The following HECW2 variants were observed in gnomAD, a reference collection of about 807,000 sequenced individuals.
HECW2 encodes the protein E3 ubiquitin-protein ligase HECW2.
In HECW2, 61 loss-of-function variants were observed where a neutral mutation model predicts 175.2. The ratio of observed to expected loss-of-function variants is 0.35; its 90% CI spans 0.28 to 0.43. The LOEUF (loss-of-function observed/expected upper bound fraction) is 0.43. HECW2 is among the 20% of genes least tolerant of loss of function. HECW2 has a pLI of 1.00. For synonymous variants in HECW2, 671 were observed against 731.0 expected (o/e 0.92, Z 1.32); for missense variants, 1,524 against 2,000.5 (o/e 0.76, Z 4.54).
At chr2:196,556,353 T>C (rs1182949118) in intron 1 of HECW2, among the ~76,000 whole-genome samples, 1 of 152,194 alleles carries the variant, frequency 6.6e-6, no homozygotes, top group Non-Finnish European at 1.5e-5. Flanking sequence ...TACAATATAT[T>C]ATTATTCACT....
intron 2 of HECW2, among the ~76,000 whole-genome samples, chr2:196,402,104 G>A (rs1215471697): frequency 6.7e-6 from 1 of 150,038 alleles, no homozygotes; most frequent in African/African-American, 2.5e-5. Flanking sequence ...GGGAGGCTGA[G>A]GCAGGAGAAT....
At chr2:196,459,280 A>T (rs1264827185) in intron 1 of HECW2, among the ~76,000 whole-genome samples, 1 of 152,220 alleles carries the variant, frequency 6.6e-6, no homozygotes, top group Admixed American at 6.5e-5. Flanking sequence ...TGGGAGATGT[A>T]GACTATGAGA....
chr2:196,303,004 G>A (rs569051369), intron 13 of HECW2, among the ~76,000 whole-genome samples: 2 of 152,332 alleles, frequency 1.3e-5, no homozygotes, highest in East Asian at 3.9e-4. Context: ...ATTTCAAGGG[G>A]AATGTTTCCA....
At chr2:196,306,721 G>T in intron 12 of HECW2, 109 bp from the exon 13 acceptor site, 2 of 1,105,430 alleles carry the variant, frequency 1.8e-6, no homozygotes, top group Non-Finnish European at 2.5e-6. Flanking sequence ...CCTACATCAT[G>T]TGTCATCATT....
At chr2:196,436,546 C>A (rs1314581863) in intron 1 of HECW2, among the ~76,000 whole-genome samples, 3 of 151,962 alleles carry the variant, frequency 2.0e-5, no homozygotes, top group Non-Finnish European at 4.4e-5. Flanking sequence ...TTCAAAAAAG[C>A]CTGCATTCTA....
At chr2:196,215,072 T>C (rs944225580) in intron 28 of HECW2, among the ~76,000 whole-genome samples, 1 of 152,240 alleles carries the variant, frequency 6.6e-6, no homozygotes, top group Non-Finnish European at 1.5e-5. Flanking sequence ...AATGCTACAG[T>C]ATTACTACTA....
In HECW2 at chr2:196,266,733, T is replaced by C. The variant is rs1202150892; in HGVS notation, c.3335+4460A>G. On this transcript the variant is annotated intron_variant, in intron 17 of 28. Coordinates refer to ENST00000644978, the MANE Select transcript of HECW2 (RefSeq NM_001348768.2). ...ACACTAGGGTTTATCTTAAGAAAGA[T>C]AGCTTTTGAAACTTTAACTTTTTAT... Among the ~76,000 whole-genome samples the C allele has an allele frequency of 2.6e-5, 4 of 152,340 alleles. 1 individual carries two copies. Among genetic ancestry groups the C allele is most frequent in the Admixed American group, 2.0e-4 (3 of 15,296 alleles).
chr2:196,586,299 C>T (rs760140385), intron 1 of HECW2, among the ~76,000 whole-genome samples: 7 of 152,170 alleles, frequency 4.6e-5, no homozygotes, highest in Non-Finnish European at 7.3e-5. Context: ...CAGTTCACCA[C>T]GGGCTAAGCA....
chr2:196,589,590 C>T (rs1417893175), intron 1 of HECW2, among the ~76,000 whole-genome samples: 1 of 152,120 alleles, frequency 6.6e-6, no homozygotes, highest in Admixed American at 6.5e-5. Context: ...AAACAAAAGC[C>T]CTCCTATTAT....
At chr2:196,211,405 C>T (rs142725752) in intron 28 of HECW2, among the ~76,000 whole-genome samples, 4 of 152,240 alleles carry the variant, frequency 2.6e-5, no homozygotes, top group Admixed American at 1.3e-4. Context: ...AGCTAACCAC[C>T]GACCGCGAAG....
chr2:196,584,510 T>C (rs566310726), intron 1 of HECW2, among the ~76,000 whole-genome samples: 1 of 152,198 alleles, frequency 6.6e-6, no homozygotes, highest in East Asian at 1.9e-4. Flanking sequence ...TAATTCTAAA[T>C]TGAATCACTT....
At chr2:196,436,626 C>CA (rs1435361596) in intron 1 of HECW2, among the ~76,000 whole-genome samples, 1 of 151,862 alleles carries the variant, frequency 6.6e-6, no homozygotes, top group African/African-American at 2.4e-5. Context: ...AGTGAAAGAA[C>CA]AAAAAGAGCT....
chr2:196,455,210 T>C (rs1696469929), intron 1 of HECW2, among the ~76,000 whole-genome samples: 1 of 152,112 alleles, frequency 6.6e-6, no homozygotes, highest in Non-Finnish European at 1.5e-5. Context: ...ATTTTTGCAT[T>C]TTTAGTTGAG....
intron 1 of HECW2, among the ~76,000 whole-genome samples, chr2:196,587,288 G>T (rs1691016928): frequency 4.6e-5 from 7 of 152,196 alleles, no homozygotes; most frequent in Admixed American, 4.6e-4. Context: ...ATTGGACAAA[G>T]TTTCATAACA....
chr2:196,265,058 A>G (rs1373779040), intron 17 of HECW2, among the ~76,000 whole-genome samples: 1 of 152,240 alleles, frequency 6.6e-6, no homozygotes, highest in Non-Finnish European at 1.5e-5. Flanking sequence ...CAGAAGGCTC[A>G]GTCCTCAGTC....
intron 2 of HECW2, among the ~76,000 whole-genome samples, chr2:196,409,074 A>G (rs997204673): frequency 3.3e-5 from 5 of 152,204 alleles, no homozygotes; most frequent in Admixed American, 3.3e-4. Context: ...AAGTATTTAT[A>G]CCATGGAAAT....
In HECW2 at chr2:196,228,092, A is replaced by G; in HGVS notation, c.3917+10T>C. ...CGCCTGAAGAAAAGTGTTGGGGAAAAAATACTTACCATTCATGGTGATTGT... is the reference window on the plus strand; with the variant it reads ...CGCCTGAAGAAAAGTGTTGGGGAAAGAATACTTACCATTCATGGTGATTGT... On this transcript the variant is annotated intron_variant, in intron 22 of 28. Transcript: ENST00000644978. 6.5e-7 allele frequency: 1 copy of G among 1,528,864 alleles called. No individual in the cohort carries two copies. The highest frequency in any genetic ancestry group is 8.8e-7 in the Non-Finnish European group (1 of 1,137,798). 94.7% of individuals were successfully genotyped at this position (1,528,864 alleles called of 1,614,324 possible). A position where few individuals can be genotyped will look rare whatever the true frequency, so the allele number is the denominator to read the frequency against.
At chr2:196,450,392 C>A (rs1360306417) in intron 1 of HECW2, among the ~76,000 whole-genome samples, 1 of 151,870 alleles carries the variant, frequency 6.6e-6, no homozygotes, top group Non-Finnish European at 1.5e-5. Context: ...GAGGCAGCTA[C>A]CAGGAATATA....
chr2:196,513,599 G>GA (rs1361335168), intron 1 of HECW2, among the ~76,000 whole-genome samples: 1 of 152,004 alleles, frequency 6.6e-6, no homozygotes, highest in Non-Finnish European at 1.5e-5. Flanking sequence ...TTGTTGGTGA[G>GA]AAAAAAATCT....
Sources: allele counts gnomAD v4.1 joint callset (sites outside exome capture counted in the v4.1 genomes callset), GRCh38; gene constraint gnomAD v4.1.1; transcripts MANE v1.5; gene names NCBI Gene and HGNC (gene_info 2026-07-23, HGNC 2026-07-21).